Variants in HYAL4 observed in about 807,000 individuals in gnomAD.
HYAL4 encodes hyaluronidase 4.
A neutral mutation model predicts 35.2 loss-of-function variants in HYAL4; 37 were observed. The ratio of observed to expected loss-of-function variants is 1.05; its 90% confidence interval spans 0.81 to 1.38. The LOEUF is 1.38. HYAL4 is among the 40% of genes most tolerant of loss of function. HYAL4 has a pLI of 0.00. For missense variants in HYAL4, 572 were observed against 572.4 expected, an observed-to-expected ratio of 1.00 and a Z score of 0.01; for synonymous variants, 198 against 203.2, an observed-to-expected ratio of 0.97 and a Z score of 0.22.
At chr7:123,830,241 A>G (rs1036446074) in intron 1 of HYAL4, among the ~76,000 whole-genome samples, 5 of 152,236 alleles carry the variant, frequency 3.3e-5, no homozygotes, top group African/African-American at 7.2e-5. Flanking sequence ...AGTATCATCA[A>G]TTATGTCTTA....
At chr7:123,817,162 C>T in the HYAL4 span, among the ~76,000 whole-genome samples, 1 of 152,122 alleles carries the variant, frequency 6.6e-6, no homozygotes. Context: ...CACCATTGGT[C>T]ATCCCCTTTA....
chr7:123,849,942 C>CTATATTTCTCATATGTTTTGTCTTACA (rs1554418380), intron 2 of HYAL4, among the ~76,000 whole-genome samples: 23 of 151,888 alleles, frequency 1.5e-4, no homozygotes, highest in African/African-American at 5.3e-4. Context: ...AAACATGTTT[C>CTATATTTCTCATATGTTTTGTCTTACA]TATATTTCTC....
At chr7:123,785,968 CA>C in the HYAL4 span, among the ~76,000 whole-genome samples, 4 of 151,952 alleles carry the variant, frequency 2.6e-5, no homozygotes, top group Admixed American at 6.6e-5. The surrounding 1 kb of genome is among the most constrained non-coding windows in gnomAD (Gnocchi z 4.5). Context: ...CAAAACAAAA[CA>C]AAACAAAACA....
chr7:123,838,963 A>G (rs1368553639), intron 1 of HYAL4, among the ~76,000 whole-genome samples: 1 of 149,950 alleles, frequency 6.7e-6, no homozygotes, highest in African/African-American at 2.5e-5. Context: ...TGCATCCATT[A>G]TTTCTTGAAG....
rs1807051156 is a variant in HYAL4, at chr7:123,877,158, T to C, written c.*3T>C. The C allele has an allele frequency of 3.1e-6, 5 of 1,609,496 alleles. No individual in the cohort carries two copies. The East Asian group carries it at 1.1e-4, about 36-fold the overall frequency. ...GTTATCGAAGCATTCAGTTGTGAGA[T>C]AATTGAGTTTAAAGGGAATTGTGTG... On this transcript the variant is annotated 3_prime_UTR_variant, in exon 5 of 5. Coordinates refer to ENST00000223026, the MANE Select transcript of HYAL4 (RefSeq NM_012269.3).
intron 2 of HYAL4, among the ~76,000 whole-genome samples, chr7:123,856,367 A>T (rs1053348175): frequency 6.6e-6 from 1 of 151,830 alleles, no homozygotes. Context: ...TGACCTTTGG[A>T]TGGGGTTTTT....
At chr7:123,826,780 G>A (rs114318105), upstream of HYAL4, among the ~76,000 whole-genome samples, 3,653 of 152,126 alleles carry the variant, frequency 0.024, 134 homozygotes, top group African/African-American at 0.076. Flanking sequence ...AATCATCCAG[G>A]CGAGAGCTAG....
At chr7:123,788,508 TA>T in the HYAL4 span, among the ~76,000 whole-genome samples, 4 of 152,230 alleles carry the variant, frequency 2.6e-5, no homozygotes, top group Non-Finnish European at 5.9e-5. Flanking sequence ...TTCTGAGATC[TA>T]AAATAGATCT....
At chr7:123,792,276 T>C in the HYAL4 span, among the ~76,000 whole-genome samples, 1 of 152,216 alleles carries the variant, frequency 6.6e-6, no homozygotes, top group Non-Finnish European at 1.5e-5. Flanking sequence ...ACGGTACGTA[T>C]TTATTGGTTA....
chr7:123,876,872 T>A lies in HYAL4; in HGVS notation c.1163T>A (p.Ile388Lys), dbSNP rs1446423561. 6 of 1,613,994 alleles carry A rather than the reference T, an allele frequency of 3.7e-6. No individual in the cohort carries two copies. In the African/African-American group the frequency reaches 8.0e-5, roughly 22 times the overall value. ...LHLCRNNGRC[I>K]RKMWNAPSYL... is the part of the protein sequence containing the mutation. ...CTCTGCAGGAACAATGGCAGGTGCA[T>A]AAGGAAGATGTGGAACGCGCCCAGT... The change falls in exon 5 of 5, where the codon ATA (isoleucine) becomes AAA (lysine). Residue 388 changes from isoleucine (I) to lysine (K), a missense_variant. Ile to Lys is a moderately radical substitution (Grantham distance 102). Coordinates refer to ENST00000223026, the MANE Select transcript of HYAL4 (RefSeq NM_012269.3).
chr7:123,843,580 C>G (rs1158430942), upstream of HYAL4, among the ~76,000 whole-genome samples: 1 of 151,970 alleles, frequency 6.6e-6, no homozygotes, highest in African/African-American at 2.4e-5. Context: ...TGGATAATAT[C>G]CCGAAGACTG....
the HYAL4 span, among the ~76,000 whole-genome samples, chr7:123,786,409 T>C: frequency 1.3e-5 from 2 of 152,320 alleles, no homozygotes; most frequent in East Asian, 3.9e-4. Flanking sequence ...TCACTACTTA[T>C]CTTTTGACCC....
chr7:123,786,998 C>G, the HYAL4 span, among the ~76,000 whole-genome samples: 1 of 150,322 alleles, frequency 6.7e-6, no homozygotes, highest in Admixed American at 6.7e-5. Flanking sequence ...ATCACCGCTA[C>G]TTGGTAGGCT....
chr7:123,790,450 T>G, the HYAL4 span, among the ~76,000 whole-genome samples: 1 of 152,140 alleles, frequency 6.6e-6, no homozygotes, highest in Non-Finnish European at 1.5e-5. Context: ...TATCTAGTGT[T>G]CTTTCTGTTG....
At chr7:123,824,275 C>T (rs1478514649), upstream of HYAL4, among the ~76,000 whole-genome samples, 5 of 152,064 alleles carry the variant, frequency 3.3e-5, no homozygotes, top group Non-Finnish European at 5.9e-5. Context: ...TGGCAAGTGC[C>T]ATGTAAGTGT....
chr7:123,851,986 G>A (rs1806315600), intron 2 of HYAL4, among the ~76,000 whole-genome samples: 1 of 152,164 alleles, frequency 6.6e-6, no homozygotes, highest in African/African-American at 2.4e-5. Flanking sequence ...TTTCTCTAAT[G>A]ACCAGTGATG....
At chr7:123,775,585 C>A in the HYAL4 span, among the ~76,000 whole-genome samples, 2 of 152,210 alleles carry the variant, frequency 1.3e-5, no homozygotes, top group Non-Finnish European at 2.9e-5. Flanking sequence ...AGTCACTCTG[C>A]TTTGTACCAT....
chr7:123,794,282 C>A, the HYAL4 span, among the ~76,000 whole-genome samples: 3 of 152,168 alleles, frequency 2.0e-5, no homozygotes, highest in Admixed American at 2.0e-4. Context: ...AATTTGCAGA[C>A]TGACAATCTG....
chr7:123,831,732 T>G (rs1450133633), intron 1 of HYAL4, among the ~76,000 whole-genome samples: 1 of 152,158 alleles, frequency 6.6e-6, no homozygotes, highest in South Asian at 2.1e-4. Context: ...CCCCTCCCCA[T>G]GCGTTTGTTG....
Sources: allele counts gnomAD v4.1 joint callset (sites outside exome capture counted in the v4.1 genomes callset), GRCh38; gene constraint gnomAD v4.1.1; non-coding constraint Gnocchi (gnomAD v3.1); transcripts MANE v1.5; gene names NCBI Gene and HGNC (gene_info 2026-07-23, HGNC 2026-07-21).